TDRD5: variants seen among roughly 807,000 people sequenced by gnomAD.
TDRD5 encodes tudor domain containing 5, also known as tudor domain-containing protein 5.
In TDRD5, 41 loss-of-function variants were observed where a neutral mutation model predicts 120.6. The ratio of observed to expected loss-of-function variants is 0.34; its 90% CI spans 0.26 to 0.44. The LOEUF is 0.44. Among genes scored for constraint, TDRD5 ranks in the 20% least tolerant of loss-of-function variants. The pLI, the probability that TDRD5 is intolerant of heterozygous loss-of-function variation, is 1.00. For missense variants in TDRD5, 1,006 were observed against 1,221.2 expected (o/e 0.82, Z 2.63); for synonymous variants, 430 against 433.7 (o/e 0.99, Z 0.11).
In TDRD5 at chr1:179,652,026, T is replaced by C; in HGVS notation, c.2002-13T>C. On this transcript the variant is annotated splice_polypyrimidine_tract_variant and intron_variant, in intron 12 of 17. Coordinates refer to ENST00000444136, the MANE Select transcript of TDRD5 (RefSeq NM_001199085.3). ...TGTAAATTAAACCATCCCTTTTCTT[T>C]TTTTAATCTTAGGGTTTCAGTGAGC... 6.2e-7 allele frequency: 1 copy of C among 1,608,348 alleles called. No individual in the cohort carries two copies. The highest frequency in any genetic ancestry group is 8.5e-7 in the Non-Finnish European group (1 of 1,178,784).
intron 4 of TDRD5, among the ~76,000 whole-genome samples, chr1:179,611,587 G>T (rs1342076474): frequency 6.6e-6 from 1 of 151,580 alleles, no homozygotes; most frequent in Non-Finnish European, 1.5e-5. Flanking sequence ...CTGACTAAAA[G>T]TTCCAAAAAA....
At chr1:179,668,547 C>G (rs1236674773) in intron 16 of TDRD5, among the ~76,000 whole-genome samples, 1 of 152,148 alleles carries the variant, frequency 6.6e-6, no homozygotes, top group Non-Finnish European at 1.5e-5. Flanking sequence ...ATGCAGATAA[C>G]CTAGCACTGT....
chr1:179,653,628 G>A (rs998698938), intron 13 of TDRD5, among the ~76,000 whole-genome samples: 1 of 151,918 alleles, frequency 6.6e-6, no homozygotes, highest in African/African-American at 2.4e-5. Context: ...CACTCTGTTG[G>A]TGTCTTCAAA....
intron 7 of TDRD5, among the ~76,000 whole-genome samples, chr1:179,634,095 C>T (rs1677616905): frequency 6.6e-6 from 1 of 150,582 alleles, no homozygotes; most frequent in African/African-American, 2.4e-5. Flanking sequence ...GGTGTGAACC[C>T]AGGAGGCGGA....
chr1:179,683,856 T>A (rs915127487), intron 17 of TDRD5, among the ~76,000 whole-genome samples: 2 of 152,148 alleles, frequency 1.3e-5, no homozygotes, highest in African/African-American at 4.8e-5. Flanking sequence ...TGTGTTGGTT[T>A]AGATGCCAGA....
At chr1:179,657,478 G>C (rs989303264) in intron 14 of TDRD5, among the ~76,000 whole-genome samples, 4 of 152,128 alleles carry the variant, frequency 2.6e-5, no homozygotes, top group Admixed American at 2.6e-4. Context: ...GGGGTGTTTT[G>C]TTGGTTTCTT....
At position 179,630,799 on chromosome 1, in the gene TDRD5, A is replaced by T. The variant is rs368230974; in HGVS notation, c.1005A>T (p.Lys335Asn). 5.6e-6 allele frequency: 9 copies of T among 1,613,612 alleles called. No individual in the cohort carries two copies. In the African/African-American group the frequency reaches 1.1e-4, roughly 19 times the overall value. Residue 335 changes from lysine (K) to asparagine (N), a missense_variant, in exon 7 of 18, where the codon AAA (lysine) becomes AAT (asparagine). Lys to Asn is a moderately conservative substitution (Grantham distance 94). Coordinates refer to ENST00000444136, the MANE Select transcript of TDRD5 (RefSeq NM_001199085.3). Reference protein sequence around the residue: ...VIFKEQLSPKKLGFLNVTELV... With the variant: ...VIFKEQLSPKNLGFLNVTELV... The stretch of plus-strand genomic sequence containing the variant: ...TTAAAGAGCAACTATCACCAAAAAA[A>T]TTAGGCTTCTTAAATGTGACAGAAC...
At chr1:179,630,988 G>GAAAT in intron 7 of TDRD5, 68 bp downstream of exon 7, 1 of 1,410,780 alleles carries the variant, frequency 7.1e-7, no homozygotes, top group Non-Finnish European at 9.6e-7. Flanking sequence ...GAGAAAACAT[G>GAAAT]AAATAATGCC....
intron 4 of TDRD5, among the ~76,000 whole-genome samples, chr1:179,604,610 A>G (rs1303592769): frequency 6.6e-6 from 1 of 151,942 alleles, no homozygotes; most frequent in African/African-American, 2.4e-5. Flanking sequence ...GAATTTTTTA[A>G]TTTCCATCTT....
In TDRD5 at chr1:179,659,739, C is replaced by T. The variant is rs1679197883; in HGVS notation, c.2323-2365C>T. On this transcript the variant is annotated intron_variant, in intron 14 of 17. Transcript: ENST00000444136. ...TGAGACGGAGTTTTGCTCTTGTTTC[C>T]CAGGCTGGAGTGCAATGGCATGATC... 2.0e-5 allele frequency among the ~76,000 whole-genome samples: 3 copies of T among 151,500 alleles called. No individual in the cohort carries two copies. The South Asian group carries it at 6.3e-4, about 32-fold the overall frequency.
At chr1:179,599,922 T>C (rs532108856) in intron 4 of TDRD5, among the ~76,000 whole-genome samples, 1 of 152,322 alleles carries the variant, frequency 6.6e-6, no homozygotes, top group South Asian at 2.1e-4. Context: ...AGCACAATTA[T>C]GTACAATACA....
intron 15 of TDRD5, 29 bp from the exon 16 acceptor site, chr1:179,663,319 A>G: frequency 2.5e-6 from 4 of 1,589,378 alleles, no homozygotes; most frequent in Non-Finnish European, 3.4e-6. Context: ...ACTTTATCTC[A>G]GTCTGTTGTT....
intron 9 of TDRD5, among the ~76,000 whole-genome samples, chr1:179,639,060 T>C (rs1466456467): frequency 6.6e-6 from 1 of 152,196 alleles, no homozygotes; most frequent in Non-Finnish European, 1.5e-5. Flanking sequence ...TGCAGGGTCT[T>C]CTAGAGATAG....
Position 179,645,738 on chromosome 1 carries a change from G to T in TDRD5, c.1801-5129G>T, listed in dbSNP as rs117713450. On this transcript the variant is annotated intron_variant, in intron 11 of 17. Coordinates refer to ENST00000444136, the MANE Select transcript of TDRD5 (RefSeq NM_001199085.3). ...CTATAGTTCAGTCAGTTTTTATTTT[G>T]TATACAATTGAGGCTATATTATTAG... is the stretch of plus-strand genomic sequence containing the variant. Among the ~76,000 whole-genome samples, 25 of 151,782 alleles carry T rather than the reference G, an allele frequency of 1.6e-4. No homozygotes were observed. In the East Asian group the frequency reaches 4.8e-3, roughly 29 times the overall value.
At chr1:179,594,937 A>G (rs1675305985) in intron 3 of TDRD5, among the ~76,000 whole-genome samples, 1 of 152,192 alleles carries the variant, frequency 6.6e-6, no homozygotes, top group Non-Finnish European at 1.5e-5. Flanking sequence ...TTACCAATTT[A>G]TTGAATAGTG....
At chr1:179,597,381 G>C (rs1675456310) in intron 4 of TDRD5, among the ~76,000 whole-genome samples, 1 of 146,870 alleles carries the variant, frequency 6.8e-6, no homozygotes, top group African/African-American at 2.5e-5. Context: ...ACCCAGGCTG[G>C]AGTGCAATGG....
chr1:179,667,547 C>CT lies in TDRD5; in HGVS notation c.2650-1646dup, dbSNP rs1679621485. On this transcript the variant is annotated intron_variant, in intron 16 of 17. Coordinates refer to ENST00000444136, the MANE Select transcript of TDRD5 (RefSeq NM_001199085.3). ...GTGAAGACTGATTTGAACTAGTAAT[C>CT]TCCCCAGCTTAAAAAATTTATGATA... Among the ~76,000 whole-genome samples, 3 of 150,376 alleles carry CT rather than the reference C, an allele frequency of 2.0e-5. No homozygotes were observed. The South Asian group carries it at 6.4e-4, about 32-fold the overall frequency.
chr1:179,622,515 C>T (rs1211092754), intron 6 of TDRD5, among the ~76,000 whole-genome samples: 1 of 151,878 alleles, frequency 6.6e-6, no homozygotes, highest in African/African-American at 2.4e-5. Context: ...ACTCTTACAA[C>T]CACATTAAAG....
intron 17 of TDRD5, among the ~76,000 whole-genome samples, chr1:179,675,910 T>C (rs1306810196): frequency 2.0e-5 from 3 of 152,214 alleles, no homozygotes; most frequent in African/African-American, 7.2e-5. Flanking sequence ...GTCCACTGTT[T>C]CTTTGTTGAC....
Sources: allele counts gnomAD v4.1 joint callset (sites outside exome capture counted in the v4.1 genomes callset), GRCh38; gene constraint gnomAD v4.1.1; transcripts MANE v1.5; gene names NCBI Gene and HGNC (gene_info 2026-07-23, HGNC 2026-07-21).